TAFA2: variants seen among roughly 807,000 people sequenced by gnomAD.
TAFA2 encodes the protein chemokine-like protein TAFA-2.
A neutral mutation model predicts 18.8 loss-of-function variants in TAFA2; 7 were observed. The ratio of observed to expected loss-of-function variants is 0.37; its 90% confidence interval spans 0.21 to 0.70. The LOEUF (loss-of-function observed/expected upper bound fraction) is 0.70. Ranked by LOEUF, TAFA2 falls within the 30% of genes least tolerant of loss-of-function variation. The pLI is 0.53. For synonymous variants in TAFA2, 60 were observed against 54.2 expected, an observed-to-expected ratio of 1.11 and a Z score of -0.47; for missense variants, 122 against 158.1, an observed-to-expected ratio of 0.77 and a Z score of 1.23.
At chr12:62,118,352 C>T (rs961620224) in intron 1 of TAFA2, among the ~76,000 whole-genome samples, 1 of 151,990 alleles carries the variant, frequency 6.6e-6, no homozygotes, top group East Asian at 1.9e-4. Flanking sequence ...TGTGAATATA[C>T]CACAGTTTAT....
intron 2 of TAFA2, among the ~76,000 whole-genome samples, chr12:61,798,799 T>C (rs1490127063): frequency 2.6e-5 from 4 of 152,252 alleles, no homozygotes; most frequent in Non-Finnish European, 2.9e-5. Context: ...TGTAGAAATA[T>C]ATTAAAGACC....
chr12:61,772,276 C>G (rs1226528787), intron 2 of TAFA2, among the ~76,000 whole-genome samples: 1 of 151,892 alleles, frequency 6.6e-6, no homozygotes, highest in African/African-American at 2.4e-5. Flanking sequence ...CAGATAAATT[C>G]ACAGTTGAAT....
chr12:62,233,066 CTTTTTT>C (rs34781688), intron 1 of TAFA2, among the ~76,000 whole-genome samples: 5 of 39,532 alleles, frequency 1.3e-4, no homozygotes, highest in African/African-American at 2.8e-4. Flanking sequence ...TTCTGCATCT[CTTTTTT>C]TTTTTTTTTT....
chr12:61,843,045 G>A (rs752847711), intron 2 of TAFA2, among the ~76,000 whole-genome samples: 13 of 152,018 alleles, frequency 8.6e-5, no homozygotes, highest in African/African-American at 1.4e-4. Flanking sequence ...ATGAATCACC[G>A]TATGGAGAGA....
intron 1 of TAFA2, among the ~76,000 whole-genome samples, chr12:61,924,682 G>A (rs1279061274): frequency 1.3e-5 from 2 of 152,022 alleles, no homozygotes; most frequent in East Asian, 1.9e-4. Context: ...GTGTATGAAC[G>A]AATGGGTAAA....
rs542688450 is a variant in TAFA2 at position 62,006,230 on chromosome 12, T to C, written c.-1-138804A>G. Among the ~76,000 whole-genome samples, 52 of 152,280 alleles carry C rather than the reference T, an allele frequency of 3.4e-4. No homozygotes were observed. The Middle Eastern group carries it at 0.01, about 30-fold the overall frequency. On this transcript the variant is annotated intron_variant, in intron 1 of 4. Coordinates refer to ENST00000416284, the MANE Select transcript of TAFA2 (RefSeq NM_178539.5). ...GATTTGAAAGTTTATCAGTGGTTTG[T>C]TTTGTTTTGTTTTTGTTTTTGTCTT...
intron 1 of TAFA2, among the ~76,000 whole-genome samples, chr12:61,911,686 C>T (rs768772633): frequency 6.6e-6 from 1 of 151,952 alleles, no homozygotes; most frequent in Non-Finnish European, 1.5e-5. Context: ...ACCAGAGAAG[C>T]GGAAAGGAAG....
chr12:62,059,871 A>C (rs1882298835), intron 1 of TAFA2, among the ~76,000 whole-genome samples: 1 of 152,098 alleles, frequency 6.6e-6, no homozygotes. Context: ...TTCCTCATTT[A>C]TATTTTAATT....
intron 1 of TAFA2, among the ~76,000 whole-genome samples, chr12:61,870,548 C>T (rs934524148): frequency 2.6e-5 from 4 of 152,164 alleles, no homozygotes; most frequent in Non-Finnish European, 5.9e-5. Flanking sequence ...GTATGAAAAT[C>T]CTTCAGCAGA....
intron 2 of TAFA2, among the ~76,000 whole-genome samples, chr12:61,780,041 T>C (rs1457151592): frequency 6.6e-6 from 1 of 151,808 alleles, no homozygotes; most frequent in East Asian, 1.9e-4. Context: ...ACAAGAGTTA[T>C]AATATTAAAT....
chr12:61,985,278 T>C (rs1033584073), intron 1 of TAFA2, among the ~76,000 whole-genome samples: 1 of 152,222 alleles, frequency 6.6e-6, no homozygotes, highest in Non-Finnish European at 1.5e-5. Context: ...CATAAAAATA[T>C]GCTGCGAATA....
At chr12:61,932,165 A>G (rs1392546173) in intron 1 of TAFA2, among the ~76,000 whole-genome samples, 1 of 152,234 alleles carries the variant, frequency 6.6e-6, no homozygotes, top group African/African-American at 2.4e-5. Flanking sequence ...GGAGAAAACC[A>G]GATTTTAGAT....
chr12:61,884,725 G>C (rs1875296733), intron 1 of TAFA2, among the ~76,000 whole-genome samples: 3 of 151,976 alleles, frequency 2.0e-5, no homozygotes, highest in Admixed American at 2.0e-4. Flanking sequence ...ATGTTCTCTA[G>C]GCTACCAATT....
intron 2 of TAFA2, among the ~76,000 whole-genome samples, chr12:61,787,492 C>G (rs1376659928): frequency 2.0e-5 from 3 of 151,612 alleles, no homozygotes; most frequent in Non-Finnish European, 4.4e-5. Context: ...TTAAAAATAA[C>G]TGCAGCTACA....
At chr12:62,181,785 G>C (rs945375329) in intron 1 of TAFA2, among the ~76,000 whole-genome samples, 1 of 152,156 alleles carries the variant, frequency 6.6e-6, no homozygotes, top group Non-Finnish European at 1.5e-5. Context: ...AACTGGCTTA[G>C]GGTGAGAAAA....
intron 1 of TAFA2, among the ~76,000 whole-genome samples, chr12:61,991,689 CA>C (rs1197565671): frequency 2.6e-5 from 4 of 152,102 alleles, no homozygotes; most frequent in Non-Finnish European, 5.9e-5. Context: ...ACTTTTACAG[CA>C]AAACTCCTTA....
At chr12:61,820,548 GAGAA>G (rs1357527198) in intron 2 of TAFA2, among the ~76,000 whole-genome samples, 1 of 151,400 alleles carries the variant, frequency 6.6e-6, no homozygotes, top group African/African-American at 2.4e-5. Flanking sequence ...AGAAAGGAAG[GAGAA>G]AGAAAGGAAG....
At chr12:62,139,716 C>T (rs2062224981) in intron 1 of TAFA2, among the ~76,000 whole-genome samples, 3 of 152,032 alleles carry the variant, frequency 2.0e-5, no homozygotes, top group Admixed American at 2.0e-4. Flanking sequence ...AGACTAAGGC[C>T]AACACTTTGG....
chr12:62,011,051 C>G (rs1349226259), intron 1 of TAFA2, among the ~76,000 whole-genome samples: 14 of 149,408 alleles, frequency 9.4e-5, no homozygotes, highest in African/African-American at 3.2e-4. Context: ...AGGTGGGGGG[C>G]GTCTCTGCCC....
Sources: allele counts gnomAD v4.1 joint callset (sites outside exome capture counted in the v4.1 genomes callset), GRCh38; gene constraint gnomAD v4.1.1; transcripts MANE v1.5; gene names NCBI Gene and HGNC (gene_info 2026-07-23, HGNC 2026-07-21).